WDPCP: variants seen among roughly 807,000 people sequenced by gnomAD.
The protein encoded by WDPCP is WD repeat-containing and planar cell polarity effector protein fritz homolog.
WDPCP carries 71 observed loss-of-function variants against 93.1 expected under a neutral mutation model. That is an observed-to-expected ratio of 0.76 (90% CI 0.63 to 0.93). The LOEUF is 0.93. Ranked by LOEUF, WDPCP falls within the 40% of genes least tolerant of loss-of-function variation. The pLI, the probability that WDPCP is intolerant of heterozygous loss-of-function variation, is 0.00. For missense variants in WDPCP, 844 were observed against 887.4 expected (o/e 0.95, Z 0.62); for synonymous variants, 315 against 315.0 (o/e 1.00, Z 0.00).
chr2:63,755,211 T>G (rs1165984192), intron 2 of WDPCP, among the ~76,000 whole-genome samples: 2 of 152,200 alleles, frequency 1.3e-5, no homozygotes, highest in African/African-American at 4.8e-5. Context: ...TACACAGGTC[T>G]GCTATATTCA....
At chr2:63,643,880 A>G in intron 3 of WDPCP, 1 of 533,446 alleles carries the variant, frequency 1.9e-6, no homozygotes, top group Non-Finnish European at 3.8e-6. Context: ...ATCTCCTGTC[A>G]AGGCATACTT....
intron 6 of WDPCP, among the ~76,000 whole-genome samples, chr2:63,450,760 T>G (rs1171313717): frequency 2.0e-5 from 3 of 152,106 alleles, no homozygotes; most frequent in African/African-American, 7.2e-5. Flanking sequence ...GAAGAAATCA[T>G]AGAGAGACTA....
chr2:63,759,115 A>G (rs1670015960), intron 2 of WDPCP, among the ~76,000 whole-genome samples: 2 of 151,898 alleles, frequency 1.3e-5, no homozygotes, highest in South Asian at 4.2e-4. Context: ...AAGTGGACCC[A>G]GGAGTGAATA....
chr2:63,755,806 A>G (rs1558903015), intron 2 of WDPCP, among the ~76,000 whole-genome samples: 1 of 152,234 alleles, frequency 6.6e-6, no homozygotes, highest in Non-Finnish European at 1.5e-5. Context: ...CACATATACA[A>G]TAGGGAAAAT....
chr2:63,436,946 AGCTGGAG>A (rs1268666783), intron 8 of WDPCP, among the ~76,000 whole-genome samples: 1 of 152,094 alleles, frequency 6.6e-6, no homozygotes, highest in Non-Finnish European at 1.5e-5. Context: ...GTCCAGTTAT[AGCTGGAG>A]GGGGAGGGTT....
chr2:63,733,183 ATTTT>A (rs70965141), intron 2 of WDPCP, among the ~76,000 whole-genome samples: 19 of 94,944 alleles, frequency 2.0e-4, no homozygotes, highest in African/African-American at 6.3e-4. Flanking sequence ...CAAATAAATG[ATTTT>A]TTTTTTTTTT....
intron 2 of WDPCP, among the ~76,000 whole-genome samples, chr2:63,801,355 T>A (rs1670691023): frequency 6.6e-6 from 1 of 152,176 alleles, no homozygotes; most frequent in Non-Finnish European, 1.5e-5. Flanking sequence ...GTGGTCTCGC[T>A]GACTTCAAGA....
At chr2:63,520,663 G>A (rs1702859060) in intron 1 of WDPCP, among the ~76,000 whole-genome samples, 1 of 152,086 alleles carries the variant, frequency 6.6e-6, no homozygotes, top group African/African-American at 2.4e-5. Flanking sequence ...AGGCCAAGAT[G>A]GATGGATCAC....
At chr2:63,436,952 AG>A (rs929637289) in intron 8 of WDPCP, among the ~76,000 whole-genome samples, 1 of 152,032 alleles carries the variant, frequency 6.6e-6, no homozygotes, top group Non-Finnish European at 1.5e-5. Context: ...TTATAGCTGG[AG>A]GGGGAGGGTT....
intron 12 of WDPCP, among the ~76,000 whole-genome samples, chr2:63,356,387 A>G (rs780880489): frequency 6.6e-6 from 1 of 152,222 alleles, no homozygotes; most frequent in Non-Finnish European, 1.5e-5. Context: ...GAAAATTAAC[A>G]AAGATATTCA....
chr2:63,639,635 C>A (rs908406822), intron 3 of WDPCP, among the ~76,000 whole-genome samples: 3 of 152,152 alleles, frequency 2.0e-5, no homozygotes, highest in African/African-American at 7.2e-5. Flanking sequence ...TAAATTTCAA[C>A]ATGAGTTTCA....
Position 63,123,782 on chromosome 2 carries a change from A to AT in WDPCP, c.2191-1727dup, listed in dbSNP as rs1574656616. Among the ~76,000 whole-genome samples, 8 of 152,012 alleles carry AT rather than the reference A, an allele frequency of 5.3e-5. No individual in the cohort carries two copies. In the South Asian group the frequency reaches 1.7e-3, roughly 31 times the overall value. ...AAATTTACCCATAGTCCTACTAGTT[A>AT]TACAAAACTAAAGTTAACATGAATT... On this transcript the variant is annotated intron_variant, in intron 17 of 17. Coordinates refer to ENST00000272321, the MANE Select transcript of WDPCP (RefSeq NM_015910.7).
chr2:63,621,095 A>G (rs1260678372), intron 3 of WDPCP, among the ~76,000 whole-genome samples: 1 of 152,180 alleles, frequency 6.6e-6, no homozygotes, highest in Non-Finnish European at 1.5e-5. Flanking sequence ...AATTCCAGAA[A>G]CCAGAACACC....
chr2:63,641,024 A>C (rs1056543115), intron 3 of WDPCP, among the ~76,000 whole-genome samples: 1 of 152,100 alleles, frequency 6.6e-6, no homozygotes, highest in African/African-American at 2.4e-5. Flanking sequence ...CCATGAATTC[A>C]GTTGATTTGA....
chr2:63,638,873 AG>A (rs1356103586), intron 3 of WDPCP, among the ~76,000 whole-genome samples: 3 of 152,138 alleles, frequency 2.0e-5, no homozygotes, highest in African/African-American at 7.2e-5. Context: ...ACACACCTCT[AG>A]GGTGGCTGAA....
intron 1 of WDPCP, among the ~76,000 whole-genome samples, chr2:63,825,651 T>C (rs957121892): frequency 6.6e-6 from 1 of 151,992 alleles, no homozygotes; most frequent in Non-Finnish European, 1.5e-5. Flanking sequence ...CTGTTCATCA[T>C]CACCCAGGAA....
Position 63,478,993 on chromosome 2 carries a change from G to A in WDPCP, c.384+5611C>T, listed in dbSNP as rs368305687. Reference sequence around the variant, plus strand: ...GAGATGATCAAAATAAGTTCAAAACGGGAGATATTACAACCAATACCACAG... The same window carrying A: ...GAGATGATCAAAATAAGTTCAAAACAGGAGATATTACAACCAATACCACAG... On this transcript the variant is annotated intron_variant, in intron 6 of 17. Coordinates refer to ENST00000272321, the MANE Select transcript of WDPCP (RefSeq NM_015910.7). Among the ~76,000 whole-genome samples, 19 of 151,552 alleles carry A rather than the reference G, an allele frequency of 1.3e-4. No individual in the cohort carries two copies. In the East Asian group the frequency reaches 1.6e-3, roughly 12 times the overall value.
At chr2:63,449,751 G>A (rs560425351) in intron 6 of WDPCP, among the ~76,000 whole-genome samples, 70 of 152,210 alleles carry the variant, frequency 4.6e-4, no homozygotes, top group African/African-American at 1.4e-3. Flanking sequence ...CAGAAAACTT[G>A]TACTGGGTCA....
chr2:63,258,407 C>A (rs890318522), intron 14 of WDPCP, among the ~76,000 whole-genome samples: 9 of 152,154 alleles, frequency 5.9e-5, no homozygotes, highest in African/African-American at 2.2e-4. Flanking sequence ...TCAGTACCAC[C>A]TTGAAGATTA....
Sources: allele counts gnomAD v4.1 joint callset (sites outside exome capture counted in the v4.1 genomes callset), GRCh38; gene constraint gnomAD v4.1.1; transcripts MANE v1.5; gene names NCBI Gene and HGNC (gene_info 2026-07-23, HGNC 2026-07-21).